The following GRAMD4 variants were observed in gnomAD, a reference collection of about 807,000 sequenced individuals.
GRAMD4 encodes GRAM domain containing 4, also known as GRAM domain-containing protein 4.
A neutral mutation model predicts 83.9 loss-of-function variants in GRAMD4; 25 were observed. The observed-to-expected ratio is 0.30, with a 90% CI of 0.22 to 0.42. The LOEUF (loss-of-function observed/expected upper bound fraction) is 0.42. Ranked by LOEUF, GRAMD4 falls within the 10% of genes least tolerant of loss-of-function variation. The pLI is 1.00. For missense variants in GRAMD4, 593 were observed against 788.7 expected, an observed-to-expected ratio of 0.75 and a Z score of 2.97; for synonymous variants, 336 against 320.9, an observed-to-expected ratio of 1.05 and a Z score of -0.50.
upstream of GRAMD4, among the ~76,000 whole-genome samples, chr22:46,616,096 T>C (rs2081486262): frequency 7.1e-6 from 1 of 140,132 alleles, no homozygotes; most frequent in Non-Finnish European, 1.5e-5. Flanking sequence ...GCGTGTAGGT[T>C]CCCCCTTGTG....
At chr22:46,608,062 G>A (rs1475540472) in intron 1 of GRAMD4, among the ~76,000 whole-genome samples, 1 of 152,204 alleles carries the variant, frequency 6.6e-6, no homozygotes, top group East Asian at 1.9e-4. Flanking sequence ...CACGTAGTAG[G>A]TGCTCATTAA....
intron 1 of GRAMD4, among the ~76,000 whole-genome samples, chr22:46,602,550 C>T (rs1214953382): frequency 6.6e-6 from 1 of 151,956 alleles, no homozygotes; most frequent in Non-Finnish European, 1.5e-5. Flanking sequence ...CTAGTCTCAG[C>T]AACTTGGGAG....
At chr22:46,631,294 T>G (rs1167034384) in intron 2 of GRAMD4, among the ~76,000 whole-genome samples, 1 of 152,202 alleles carries the variant, frequency 6.6e-6, no homozygotes, top group Non-Finnish European at 1.5e-5. Flanking sequence ...CATCCCAGAC[T>G]GAGGCCCAGC....
intron 3 of GRAMD4, among the ~76,000 whole-genome samples, chr22:46,638,701 C>T (rs1295633838): frequency 1.3e-5 from 2 of 152,222 alleles, no homozygotes; most frequent in African/African-American, 4.8e-5. Flanking sequence ...CTGCCAGCAA[C>T]CCTGCTGTGT....
At chr22:46,577,357 G>A (rs1374430125) in intron 1 of GRAMD4, 4 of 957,354 alleles carry the variant, frequency 4.2e-6, no homozygotes, top group Admixed American at 6.4e-5. Flanking sequence ...TCCCTTTTGG[G>A]CTGGCGGCTC....
intron 1 of GRAMD4, among the ~76,000 whole-genome samples, chr22:46,600,773 G>T (rs1214272513): frequency 6.6e-6 from 1 of 152,142 alleles, no homozygotes; most frequent in Non-Finnish European, 1.5e-5. Flanking sequence ...AATTTAAAAA[G>T]ATTTATTAAT....
chr22:46,663,277 CTG>C (rs2082357465), intron 6 of GRAMD4, 105 bp downstream of exon 6: 2 of 1,108,792 alleles, frequency 1.8e-6, no homozygotes, highest in African/African-American at 3.1e-5. Flanking sequence ...CCAAAGCTGT[CTG>C]TGAGGCTGCC....
rs984101130 is a variant in GRAMD4 at position 46,621,191 on chromosome 22, C to T, written c.-50+626C>T. Among the ~76,000 whole-genome samples the T allele has an allele frequency of 7.2e-5, 11 of 152,092 alleles. No individual in the cohort carries two copies. Among genetic ancestry groups the T allele is most frequent in the Non-Finnish European group, 1.5e-4 (10 of 68,002 alleles). On this transcript the variant is annotated intron_variant, in intron 1 of 18. Coordinates refer to ENST00000406902, the MANE Select transcript of GRAMD4 (RefSeq NM_015124.5). The surrounding 1 kb of genome is among the most constrained non-coding windows in gnomAD (Gnocchi z 5.8). Reference sequence around the variant, plus strand: ...CAGGTGAGACGCAGGTGGGCGGTGTCGGGAGACCCGGGTCTGGCCTGAGGT... The same window carrying T: ...CAGGTGAGACGCAGGTGGGCGGTGTTGGGAGACCCGGGTCTGGCCTGAGGT...
chr22:46,591,157 C>T (rs1005479502), intron 1 of GRAMD4, among the ~76,000 whole-genome samples: 11 of 152,222 alleles, frequency 7.2e-5, no homozygotes, highest in Admixed American at 2.0e-4. Context: ...CCCTCTCAGC[C>T]GCGGGGTCCA....
At chr22:46,609,193 G>A (rs954859112) in intron 1 of GRAMD4, among the ~76,000 whole-genome samples, 4 of 151,826 alleles carry the variant, frequency 2.6e-5, no homozygotes, top group African/African-American at 9.7e-5. Context: ...GACATACATC[G>A]CAGACCGCTG....
At chr22:46,661,795 T>C (rs189101365) in intron 5 of GRAMD4, among the ~76,000 whole-genome samples, 216 of 152,380 alleles carry the variant, frequency 1.4e-3, no homozygotes, top group African/African-American at 4.8e-3. Flanking sequence ...TCACTGCCGC[T>C]GCCCTGGTGC....
In GRAMD4 at chr22:46,620,727, G is replaced by A. The variant is rs910373847; in HGVS notation, c.-50+162G>A. On this transcript the variant is annotated intron_variant, in intron 1 of 18. Coordinates refer to ENST00000406902, the MANE Select transcript of GRAMD4 (RefSeq NM_015124.5). The surrounding 1 kb of genome is among the most constrained non-coding windows in gnomAD (Gnocchi z 4.7). ...GAAAGGCAGGCTCCCTCCCAAGGCC[G>A]GGTGCAGGCCAGACCCCACCGGTAA... Among the ~76,000 whole-genome samples the A allele has an allele frequency of 2.6e-5, 4 of 152,102 alleles. No homozygotes were observed. The highest frequency in any genetic ancestry group is 7.2e-5 in the African/African-American group (3 of 41,418).
chr22:46,656,240 C>T (rs1173538336), intron 3 of GRAMD4, among the ~76,000 whole-genome samples: 3 of 152,322 alleles, frequency 2.0e-5, no homozygotes, highest in Non-Finnish European at 2.9e-5. Context: ...TTGGTAAATT[C>T]GAATATTTTC....
chr22:46,668,192 G>T (rs1034452234), intron 11 of GRAMD4, 25 bp downstream of exon 11: 1 of 1,568,460 alleles, frequency 6.4e-7, no homozygotes, highest in African/African-American at 1.4e-5. Context: ...GCCGGCCAGG[G>T]GTGTGTCTGC....
At chr22:46,627,440 A>T (rs2081683640) in intron 2 of GRAMD4, among the ~76,000 whole-genome samples, 1 of 152,054 alleles carries the variant, frequency 6.6e-6, no homozygotes, top group Admixed American at 6.5e-5. Context: ...AGCTGGGGGG[A>T]CAGCAAATAC....
intron 1 of GRAMD4, among the ~76,000 whole-genome samples, chr22:46,607,943 C>T (rs941337975): frequency 1.3e-5 from 2 of 152,176 alleles, no homozygotes; most frequent in African/African-American, 2.4e-5. Flanking sequence ...TGCCGGCTGC[C>T]CCCCCAGGGG....
chr22:46,620,951 G>A lies in GRAMD4; in HGVS notation c.-50+386G>A, dbSNP rs1397430046. On this transcript the variant is annotated intron_variant, in intron 1 of 18. Transcript: ENST00000406902. The surrounding 1 kb of genome is among the most constrained non-coding windows in gnomAD (Gnocchi z 4.7). ...GGGAGGAGGCCGATCTGAGAGGGCCGCATGGCTCGGAGTTGCAGGGGCCCT... is the reference window on the plus strand; with the variant it reads ...GGGAGGAGGCCGATCTGAGAGGGCCACATGGCTCGGAGTTGCAGGGGCCCT... 2.6e-5 allele frequency among the ~76,000 whole-genome samples: 4 copies of A among 152,178 alleles called. No homozygotes were observed. The highest frequency in any genetic ancestry group is 5.9e-5 in the Non-Finnish European group (4 of 68,018).
chr22:46,655,017 G>C (rs1285849817), intron 3 of GRAMD4, among the ~76,000 whole-genome samples: 5 of 152,222 alleles, frequency 3.3e-5, no homozygotes, highest in Admixed American at 2.0e-4. Context: ...ACGCCAGATG[G>C]GGGGGCTGTT....
chr22:46,603,682 A>AT (rs1189283996), intron 1 of GRAMD4, among the ~76,000 whole-genome samples: 1 of 142,536 alleles, frequency 7.0e-6, no homozygotes, highest in South Asian at 2.2e-4. Context: ...ACGCCTGGCT[A>AT]TTTTTTTGTA....
Sources: allele counts gnomAD v4.1 joint callset (sites outside exome capture counted in the v4.1 genomes callset), GRCh38; gene constraint gnomAD v4.1.1; non-coding constraint Gnocchi (gnomAD v3.1); transcripts MANE v1.5; gene names NCBI Gene and HGNC (gene_info 2026-07-23, HGNC 2026-07-21).